KDM6A: variants seen among roughly 807,000 people sequenced by gnomAD.
KDM6A encodes lysine-specific demethylase 6A.
KDM6A carries 11 observed loss-of-function variants against 117.6 expected under a neutral mutation model. The observed-to-expected ratio is 0.09, with a 90% CI of 0.06 to 0.15. The LOEUF is 0.15. Among genes scored for constraint, KDM6A ranks in the 10% least tolerant of loss-of-function variants. The probability of loss-of-function intolerance (pLI) is 1.00; values close to 1 mark genes in which losing one functional copy is unlikely to be tolerated. For missense variants in KDM6A, 799 were observed against 1,077.3 expected (o/e 0.74, Z 3.62); for synonymous variants, 384 against 396.1 (o/e 0.97, Z 0.36).
intron 1 of KDM6A, 92 bp from the exon 2 acceptor site, chrX:44,873,832 C>T (rs760969083): frequency 1.8e-5 from 20 of 1,140,986 alleles, no homozygotes; most frequent in Admixed American, 2.5e-5. Context: ...TGGCGCTCTT[C>T]GCGCCGCCTC....
chrX:45,069,297 A>G (rs954837215), intron 17 of KDM6A, among the ~76,000 whole-genome samples: 2 of 111,646 alleles, frequency 1.8e-5, no homozygotes, highest in Non-Finnish European at 3.8e-5. Context: ...AGAGATGAAA[A>G]TATGTATATT....
intron 2 of KDM6A, among the ~76,000 whole-genome samples, chrX:44,936,559 A>T (rs949459435): frequency 2.7e-5 from 3 of 111,789 alleles, no homozygotes; most frequent in African/African-American, 9.8e-5. Context: ...TTAATCAGGG[A>T]TAATTTTCAC....
At chrX:44,985,445 T>C (rs149667702) in intron 4 of KDM6A, among the ~76,000 whole-genome samples, 641 of 111,681 alleles carry the variant, frequency 5.7e-3, no homozygotes, top group Non-Finnish European at 9.7e-3. Context: ...TCCAACACTA[T>C]GTTGAATAGG....
chrX:45,063,321 C>T, intron 16 of KDM6A, 101 bp from the exon 17 acceptor site: 2 of 780,544 alleles, frequency 2.6e-6, no homozygotes, highest in South Asian at 4.2e-5. Context: ...CCTAATTATA[C>T]ATCTTCATAT....
intron 10 of KDM6A, among the ~76,000 whole-genome samples, chrX:45,058,596 C>T (rs1039536391): frequency 5.5e-4 from 61 of 110,373 alleles, no homozygotes; most frequent in Admixed American, 1.4e-3. Context: ...ATCTTACCAA[C>T]GTATATAGTG....
intron 6 of KDM6A, among the ~76,000 whole-genome samples, chrX:45,028,337 AAAG>A (rs1211307812): frequency 8.0e-5 from 9 of 112,608 alleles, no homozygotes; most frequent in African/African-American, 1.9e-4. Flanking sequence ...CATCTTAAGA[AAAG>A]AAGAACATTC....
At chrX:44,976,322 A>G (rs763034346) in intron 4 of KDM6A, among the ~76,000 whole-genome samples, 10 of 111,369 alleles carry the variant, frequency 9.0e-5, no homozygotes, top group African/African-American at 3.3e-4. Context: ...AACTTAGCAT[A>G]TGTTTTCAAG....
chrX:44,949,221 TG>T (rs755356405), intron 2 of KDM6A, among the ~76,000 whole-genome samples: 1 of 110,438 alleles, frequency 9.1e-6, no homozygotes, highest in South Asian at 3.9e-4. Context: ...GGCGAAACCT[TG>T]TCTCTACAAA....
intron 21 of KDM6A, among the ~76,000 whole-genome samples, chrX:45,080,762 A>G (rs777836761): frequency 1.0e-3 from 113 of 112,443 alleles, no homozygotes; most frequent in Non-Finnish European, 1.9e-3. Flanking sequence ...TGTAGTTCAG[A>G]CTTTCAAGAT....
At chrX:45,074,509 A>T (rs746722176) in intron 18 of KDM6A, among the ~76,000 whole-genome samples, 2 of 111,986 alleles carry the variant, frequency 1.8e-5, no homozygotes, top group Admixed American at 9.5e-5. Context: ...GGAAATTCCT[A>T]TGTGTTTGAA....
At chrX:45,017,039 G>GA (rs754075866) in intron 5 of KDM6A, among the ~76,000 whole-genome samples, 23,862 of 110,286 alleles carry the variant, frequency 0.22, 4,294 homozygotes, top group African/African-American at 0.6. Flanking sequence ...AACATTAAAT[G>GA]AAAAATCCTT....
At chrX:44,874,784 G>C (rs3788867) in intron 2 of KDM6A, among the ~76,000 whole-genome samples, 1 of 108,298 alleles carries the variant, frequency 9.2e-6, no homozygotes, top group Non-Finnish European at 1.9e-5. Flanking sequence ...AAAGTGAAGG[G>C]GGGGGTTAGG....
intron 6 of KDM6A, among the ~76,000 whole-genome samples, chrX:45,022,732 CT>C (rs2042217325): frequency 1.8e-5 from 2 of 111,659 alleles, no homozygotes; most frequent in Non-Finnish European, 3.8e-5. Flanking sequence ...CAACATTAAG[CT>C]GTTTTGTAGC....
intron 27 of KDM6A, among the ~76,000 whole-genome samples, chrX:45,106,037 A>G (rs926531963): frequency 1.8e-5 from 2 of 110,394 alleles, no homozygotes; most frequent in Non-Finnish European, 3.8e-5. Flanking sequence ...GGTCTGTGGA[A>G]AAACTCATCT....
At chrX:45,016,898 TGAC>T (rs2041993359) in intron 5 of KDM6A, among the ~76,000 whole-genome samples, 5 of 111,956 alleles carry the variant, frequency 4.5e-5, no homozygotes, top group African/African-American at 1.6e-4. Flanking sequence ...GCTTTAAAAA[TGAC>T]TTTGTGGAAG....
rs181815012 is a variant in KDM6A at position 44,985,719 on chromosome X, T to C, written c.384+11004T>C. ...TATATGCTGGGTTACGTTTACTCATTTGCGTATGTTGAACCAGCCTTGCAT... is the reference window on the plus strand; with the variant it reads ...TATATGCTGGGTTACGTTTACTCATCTGCGTATGTTGAACCAGCCTTGCAT... On this transcript the variant is annotated intron_variant, in intron 4 of 29. Transcript: ENST00000611820. Among the ~76,000 whole-genome samples the C allele has an allele frequency of 4.2e-4, 47 of 112,056 alleles. 1 individual carries two copies. In the Admixed American group the frequency reaches 4.3e-3, roughly 10 times the overall value.
At chrX:45,034,844 T>C in intron 6 of KDM6A, 87 bp from the exon 7 acceptor site, 1 of 706,933 alleles carries the variant, frequency 1.4e-6, no homozygotes, top group Non-Finnish European at 2.3e-6. Context: ...ATTATTATTT[T>C]AGACCTTACA....
chrX:44,963,114 T>C (rs1330520063), intron 3 of KDM6A, among the ~76,000 whole-genome samples: 4 of 111,559 alleles, frequency 3.6e-5, no homozygotes, highest in Non-Finnish European at 7.5e-5. Context: ...AAATTTGTTG[T>C]TATCATTTCC....
At chrX:44,932,312 T>C (rs2146968308) in intron 2 of KDM6A, among the ~76,000 whole-genome samples, 1 of 108,256 alleles carries the variant, frequency 9.2e-6, no homozygotes, top group South Asian at 4.1e-4. Context: ...GGTCTCACCA[T>C]GTTGGCCAGG....
Sources: allele counts gnomAD v4.1 joint callset (sites outside exome capture counted in the v4.1 genomes callset), GRCh38; gene constraint gnomAD v4.1.1; transcripts MANE v1.5; gene names NCBI Gene and HGNC (gene_info 2026-07-23, HGNC 2026-07-21).